The following TP53BP1 variants were observed in gnomAD, a reference collection of about 807,000 sequenced individuals.
The protein encoded by TP53BP1 is tumor protein p53 binding protein 1.
TP53BP1 carries 61 observed loss-of-function variants against 200.8 expected under a neutral mutation model. That is an observed-to-expected ratio of 0.30 (90% CI 0.25 to 0.38). The LOEUF (loss-of-function observed/expected upper bound fraction) is 0.38, where lower values mean the gene tolerates loss of function less well. TP53BP1 is among the 10% of genes least tolerant of loss of function. The probability of loss-of-function intolerance (pLI) is 1.00; values close to 1 mark genes in which losing one functional copy is unlikely to be tolerated. For synonymous variants in TP53BP1, 822 were observed against 844.3 expected (o/e 0.97, Z 0.46); for missense variants, 2,144 against 2,371.9 (o/e 0.90, Z 2.00).
intron 12 of TP53BP1, among the ~76,000 whole-genome samples, chr15:43,452,631 A>AT (rs34441906): frequency 0.28 from 42,839 of 152,054 alleles, 10,226 homozygotes; most frequent in African/African-American, 0.65. Flanking sequence ...AGTTAAAATT[A>AT]TTTTTATTTA....
intron 23 of TP53BP1, 32 bp downstream of exon 23, chr15:43,415,562 G>A (rs766169895): frequency 2.5e-6 from 4 of 1,606,920 alleles, no homozygotes; most frequent in East Asian, 2.2e-5. Flanking sequence ...GCCATGGTCT[G>A]AAGGAAGAAT....
chr15:43,445,285 C>T (rs1368793665), intron 14 of TP53BP1, among the ~76,000 whole-genome samples: 3 of 152,114 alleles, frequency 2.0e-5, no homozygotes, highest in African/African-American at 4.8e-5. Flanking sequence ...ATTGCCTCGC[C>T]GAAGTCAAAG....
At chr15:43,467,793 T>C (rs2046622927) in intron 11 of TP53BP1, among the ~76,000 whole-genome samples, 1 of 151,928 alleles carries the variant, frequency 6.6e-6, no homozygotes, top group Non-Finnish European at 1.5e-5. Context: ...AAACTCTTTT[T>C]TTTTTTTTTT....
At position 43,406,952 on chromosome 15, in the gene TP53BP1, A is replaced by C. The variant is rs1163919136; in HGVS notation, c.*431T>G. 3 of 235,540 alleles carry C rather than the reference A, an allele frequency of 1.3e-5. No individual in the cohort carries two copies. The highest frequency in any genetic ancestry group is 2.5e-5 in the Non-Finnish European group (3 of 118,554). The allele number at this position is 235,540 out of a possible 1,614,324, so 14.6% of individuals were successfully genotyped here. The stretch of plus-strand genomic sequence containing the variant: ...ACTGTCAGGAAACAGAGCTGTGCCC[A>C]ATTCCACTCAACTTTTGGCACAACT... On this transcript the variant is annotated 3_prime_UTR_variant, in exon 28 of 28. Transcript: ENST00000382044.
chr15:43,480,983 C>T lies in TP53BP1; in HGVS notation c.411G>A (p.Glu137=). The change falls in exon 5 of 28, where the codon GAG becomes GAA. Residue 137 remains glutamate, a synonymous_variant. Transcript: ENST00000382044. The part of the protein sequence containing the change: ...GMSVESAPAV[E]EEKGEELEQK... ...GTTCCAACTCTTCTCCCTTCTCTTC[C>T]TCCACAGCAGGAGCAGATTCCACTG... 6.2e-7 allele frequency: 1 copy of T among 1,614,030 alleles called. No homozygotes were observed. The highest frequency in any genetic ancestry group is 8.5e-7 in the Non-Finnish European group (1 of 1,179,966).
chr15:43,509,114 T>C (rs533558731), intron 1 of TP53BP1, among the ~76,000 whole-genome samples: 5 of 144,344 alleles, frequency 3.5e-5, no homozygotes, highest in Non-Finnish European at 7.5e-5. Flanking sequence ...TGCCTCCACA[T>C]GGTACTCTTA....
At chr15:43,453,267 G>C (rs2046215527) in intron 12 of TP53BP1, among the ~76,000 whole-genome samples, 1 of 142,850 alleles carries the variant, frequency 7.0e-6, no homozygotes, top group Non-Finnish European at 1.5e-5. Flanking sequence ...CTGATATTTT[G>C]TTGGCACAGG....
intron 4 of TP53BP1, among the ~76,000 whole-genome samples, chr15:43,481,400 A>T (rs544369720): frequency 6.6e-6 from 1 of 152,148 alleles, no homozygotes; most frequent in Non-Finnish European, 1.5e-5. Context: ...CTTAAAATAC[A>T]TATATAGAAC....
Position 43,405,266 on chromosome 15 carries a change from A to T in TP53BP1, c.*2117T>A. On this transcript the variant is annotated 3_prime_UTR_variant, in exon 28 of 28. Coordinates refer to ENST00000382044, the MANE Select transcript of TP53BP1 (RefSeq NM_001141980.3). The stretch of plus-strand genomic sequence containing the variant: ...ACAGCCACGTTCCCAAGGTTGTAAC[A>T]GAAGATTCAAAACATCCCATTCTAG... 1 of 1,602,164 alleles carries T rather than the reference A, an allele frequency of 6.2e-7. No homozygotes were observed. Among genetic ancestry groups the T allele is most frequent in the Non-Finnish European group, 8.6e-7 (1 of 1,169,258 alleles).
chr15:43,482,289 G>C (rs1595615750), intron 4 of TP53BP1, among the ~76,000 whole-genome samples: 1 of 152,064 alleles, frequency 6.6e-6, no homozygotes, highest in East Asian at 1.9e-4. Context: ...CAGCATTAAG[G>C]AAATGATTAC....
intron 17 of TP53BP1, among the ~76,000 whole-genome samples, chr15:43,431,008 T>C (rs1435589963): frequency 6.6e-6 from 1 of 152,172 alleles, no homozygotes; most frequent in Non-Finnish European, 1.5e-5. Flanking sequence ...CAAGGGTTAC[T>C]TGAATGCAAG....
intron 11 of TP53BP1, among the ~76,000 whole-genome samples, chr15:43,462,497 G>A (rs1340143025): frequency 2.0e-5 from 3 of 151,826 alleles, no homozygotes; most frequent in South Asian, 4.2e-4. Context: ...CTTTTGGTGG[G>A]TAGAGACGGG....
intron 13 of TP53BP1, 169 bp from the exon 14 acceptor site, chr15:43,446,759 T>C: frequency 6.6e-7 from 1 of 1,511,876 alleles, no homozygotes; most frequent in South Asian, 1.3e-5. Context: ...CGAACTAGTA[T>C]TGACACCTGG....
chr15:43,479,380 T>C lies in TP53BP1; in HGVS notation c.788+17A>G. Reference sequence around the variant, plus strand: ...TACAGCAAAACTCGTAAATCCTTTTTAGAAAGTTCGGCTTACCTTGCAGGT... The same window carrying C: ...TACAGCAAAACTCGTAAATCCTTTTCAGAAAGTTCGGCTTACCTTGCAGGT... On this transcript the variant is annotated intron_variant, in intron 7 of 27. Transcript: ENST00000382044. 1 of 1,582,984 alleles carries C rather than the reference T, an allele frequency of 6.3e-7. No individual in the cohort carries two copies. Among genetic ancestry groups the C allele is most frequent in the South Asian group, 1.2e-5 (1 of 86,218 alleles).
intron 17 of TP53BP1, among the ~76,000 whole-genome samples, chr15:43,429,988 A>T (rs1325116476): frequency 6.6e-6 from 1 of 152,232 alleles, no homozygotes; most frequent in Non-Finnish European, 1.5e-5. Context: ...ATGAATGATC[A>T]CTTCAAGACA....
intron 24 of TP53BP1, among the ~76,000 whole-genome samples, chr15:43,411,335 C>T (rs1171103327): frequency 6.6e-6 from 1 of 152,156 alleles, no homozygotes; most frequent in African/African-American, 2.4e-5. Flanking sequence ...ACTAAATAAA[C>T]CCAACTCCAG....
At chr15:43,470,720 T>A (rs530128385) in intron 10 of TP53BP1, among the ~76,000 whole-genome samples, 1 of 152,202 alleles carries the variant, frequency 6.6e-6, no homozygotes, top group Non-Finnish European at 1.5e-5. Flanking sequence ...TACCCACCTG[T>A]AGGCTATCAG....
chr15:43,429,646 T>C (rs2045626943), intron 17 of TP53BP1, among the ~76,000 whole-genome samples: 3 of 152,220 alleles, frequency 2.0e-5, no homozygotes, highest in African/African-American at 7.2e-5. Flanking sequence ...AGAGGTGAAA[T>C]ATTTACTAAA....
At position 43,422,122 on chromosome 15, in the gene TP53BP1, G is replaced by A. The variant is rs140119148; in HGVS notation, c.3833C>T (p.Thr1278Ile). ...CTGACACTCTACAATTGGCTCTTCA[G>A]TCTCCTGCAAGGAAAAAATAGATAC... Reference protein sequence around the residue: ...TEVERKVTEETEEPIVECQEC... With the variant: ...TEVERKVTEEIEEPIVECQEC... The change falls in exon 19 of 28, where the codon ACT (threonine) becomes ATT (isoleucine). Residue 1278 changes from threonine to isoleucine, a missense_variant. Thr to Ile is a moderately conservative substitution (Grantham distance 89). This residue lies in a region of TP53BP1 where 1,700 missense variants were observed against 1,710.3 expected (regional missense o/e 0.99). Transcript: ENST00000382044. 198 of 1,613,330 alleles carry A rather than the reference G, an allele frequency of 1.2e-4. No individual in the cohort carries two copies. Among genetic ancestry groups the A allele is most frequent in the Non-Finnish European group, 1.5e-4 (181 of 1,179,792 alleles).
Sources: gnomAD v4.1 joint callset for allele counts (sites outside exome capture counted in the v4.1 genomes callset) on GRCh38, gnomAD v4.1.1 for gene constraint, gnomAD v4.1.1 regional missense constraint, MANE v1.5 for transcripts, NCBI Gene and HGNC (gene_info 2026-07-23, HGNC 2026-07-21) for gene names.